CDYL2: variants seen among roughly 807,000 people sequenced by gnomAD.
CDYL2 encodes the protein chromodomain Y-like protein 2.
Under a neutral mutation model 49.4 loss-of-function variants are expected in CDYL2, and 23 were observed. The observed-to-expected ratio is 0.47, with a 90% CI of 0.34 to 0.66. The LOEUF is 0.66. Ranked by LOEUF, CDYL2 falls within the 30% of genes least tolerant of loss-of-function variation. The pLI, the probability that CDYL2 is intolerant of heterozygous loss-of-function variation, is 0.01. For synonymous variants in CDYL2, 360 were observed against 268.8 expected (o/e 1.34, Z -3.32); for missense variants, 678 against 656.4 (o/e 1.03, Z -0.36).
chr16:80,677,670 C>T (rs566340616), intron 2 of CDYL2, among the ~76,000 whole-genome samples: 44 of 151,796 alleles, frequency 2.9e-4, no homozygotes, highest in Admixed American at 2.0e-3. Context: ...ACTCAGGAGG[C>T]GGAGCTTGCA....
At chr16:80,760,348 G>C (rs1344723315) in intron 1 of CDYL2, among the ~76,000 whole-genome samples, 1 of 152,152 alleles carries the variant, frequency 6.6e-6, no homozygotes, top group Non-Finnish European at 1.5e-5. Flanking sequence ...GGTAGTGGGG[G>C]GTTGGAGGGG....
intron 2 of CDYL2, among the ~76,000 whole-genome samples, chr16:80,644,265 T>A (rs1597144963): frequency 6.6e-6 from 1 of 152,216 alleles, no homozygotes; most frequent in African/African-American, 2.4e-5. Flanking sequence ...TCTGAGACCA[T>A]CTAAGCCTGG....
intron 1 of CDYL2, among the ~76,000 whole-genome samples, chr16:80,710,351 A>G (rs1430952019): frequency 2.0e-5 from 3 of 152,240 alleles, no homozygotes; most frequent in Non-Finnish European, 1.5e-5. Flanking sequence ...CAACCCTTCC[A>G]GCAGTCACAT....
intron 1 of CDYL2, among the ~76,000 whole-genome samples, chr16:80,776,869 G>A (rs369037109): frequency 1.3e-5 from 2 of 151,688 alleles, no homozygotes; most frequent in South Asian, 2.1e-4. Context: ...CTAGGCTGGA[G>A]TGCAATGGCA....
chr16:80,640,983 A>G (rs1908060343), intron 2 of CDYL2, among the ~76,000 whole-genome samples: 1 of 152,234 alleles, frequency 6.6e-6, no homozygotes, highest in South Asian at 2.1e-4. Flanking sequence ...GGCAAATCTA[A>G]GAGTTACTGG....
In CDYL2 at chr16:80,718,000, G is replaced by A. The variant is rs111428163; in HGVS notation, c.25-32871C>T. On this transcript the variant is annotated intron_variant, in intron 1 of 6. Transcript: ENST00000570137. The stretch of plus-strand genomic sequence containing the variant: ...ATTCAGTGTGCATCTGCTGTCTCAC[G>A]CTGGGTGCTTTCTCAAGCAGTTACC... Among the ~76,000 whole-genome samples the A allele has an allele frequency of 7.8e-3, 1,188 of 152,282 alleles. 21 individuals are homozygous for A. The highest frequency in any genetic ancestry group is 0.027 in the African/African-American group (1,104 of 41,546).
chr16:80,783,363 T>G (rs1297664421), intron 1 of CDYL2, among the ~76,000 whole-genome samples: 1 of 152,008 alleles, frequency 6.6e-6, no homozygotes, highest in Non-Finnish European at 1.5e-5. Context: ...AAACAGAAAA[T>G]AACAAGTGTT....
chr16:80,747,849 C>T (rs985754163), intron 1 of CDYL2, among the ~76,000 whole-genome samples: 1 of 152,110 alleles, frequency 6.6e-6, no homozygotes, highest in South Asian at 2.1e-4. Context: ...CTGATTGGAA[C>T]CCTTCCTACC....
chr16:80,600,566 A>G lies in CDYL2; in HGVS notation c.*3822T>C, dbSNP rs1310068169. The G allele has an allele frequency of 1.3e-5, 2 of 152,224 alleles. No homozygotes were observed. The highest frequency in any genetic ancestry group is 2.9e-5 in the Non-Finnish European group (2 of 68,034). The allele number at this position is 152,224 out of a possible 1,614,324, so 9.4% of individuals were successfully genotyped here. ...TAAAATAAAATACTTAAGAAATCTC[A>G]TTTAGAGTCTTAAATACTGTGTATA... On this transcript the variant is annotated 3_prime_UTR_variant, in exon 7 of 7. Transcript: ENST00000570137.
chr16:80,750,659 T>C (rs1302942793), intron 1 of CDYL2, among the ~76,000 whole-genome samples: 6 of 137,188 alleles, frequency 4.4e-5, no homozygotes, highest in East Asian at 2.0e-4. Flanking sequence ...TAATCAGAAA[T>C]TAGAAAAAGT....
intron 2 of CDYL2, among the ~76,000 whole-genome samples, chr16:80,674,035 A>G (rs1909640396): frequency 1.3e-5 from 2 of 152,194 alleles, no homozygotes; most frequent in African/African-American, 4.8e-5. Context: ...CTGCCAATGC[A>G]TTTTAGATTT....
At chr16:80,638,807 C>T (rs13330810) in intron 2 of CDYL2, among the ~76,000 whole-genome samples, 22,296 of 152,140 alleles carry the variant, frequency 0.15, 5,236 homozygotes, top group African/African-American at 0.5. Flanking sequence ...GACACAAACT[C>T]TGTACTTTGC....
intron 4 of CDYL2, among the ~76,000 whole-genome samples, chr16:80,619,087 A>G (rs995176632): frequency 5.3e-5 from 8 of 152,070 alleles, no homozygotes; most frequent in African/African-American, 1.9e-4. Flanking sequence ...GCTGCTGGCC[A>G]TTCTTGGAGT....
At chr16:80,672,760 T>C (rs912716945) in intron 2 of CDYL2, among the ~76,000 whole-genome samples, 1 of 152,152 alleles carries the variant, frequency 6.6e-6, no homozygotes, top group African/African-American at 2.4e-5. Context: ...ACCTACTTCA[T>C]AGAATTGTCA....
chr16:80,761,622 C>T (rs1402484210), intron 1 of CDYL2, among the ~76,000 whole-genome samples: 1 of 152,130 alleles, frequency 6.6e-6, no homozygotes, highest in African/African-American at 2.4e-5. Flanking sequence ...ATCAATAGAT[C>T]TGAGAGAGGC....
At position 80,804,566 on chromosome 16, in the gene CDYL2, G is replaced by A. The variant is rs1229835106; in HGVS notation, c.-393C>T. ...GGCGCCGCCTGCAGGAAGCCGCCCG[G>A]CGCCCGCCGCCGGCCCGGACGCTGC... On this transcript the variant is annotated 5_prime_UTR_variant, in exon 1 of 7. Coordinates refer to ENST00000570137, the MANE Select transcript of CDYL2 (RefSeq NM_152342.4). Among the ~76,000 whole-genome samples, 3 of 143,840 alleles carry A rather than the reference G, an allele frequency of 2.1e-5. No homozygotes were observed. The highest frequency in any genetic ancestry group is 7.5e-5 in the African/African-American group (3 of 40,226). The allele number at this position is 143,840 out of a possible 152,430, so 94.4% of individuals were successfully genotyped here. A position where few individuals can be genotyped will look rare whatever the true frequency, so the allele number is the denominator to read the frequency against.
At position 80,598,789 on chromosome 16, in the gene CDYL2, G is replaced by C. The variant is rs1421069956; in HGVS notation, c.*5599C>G. 3.3e-5 allele frequency: 5 copies of C among 152,120 alleles called. No individual in the cohort carries two copies. Among genetic ancestry groups the C allele is most frequent in the Non-Finnish European group, 5.9e-5 (4 of 68,030 alleles). 9.4% of individuals were successfully genotyped at this position (152,120 alleles called of 1,614,324 possible). A position where few individuals can be genotyped will look rare whatever the true frequency, so the allele number is the denominator to read the frequency against. ...ACGAATCCCTCTGTATGGCCAGCCA[G>C]GGGGAGCATGAGGTTGGTGGAAGTC... On this transcript the variant is annotated 3_prime_UTR_variant, in exon 7 of 7. Transcript: ENST00000570137.
chr16:80,772,430 T>G (rs1906936769), intron 1 of CDYL2, among the ~76,000 whole-genome samples: 1 of 152,166 alleles, frequency 6.6e-6, no homozygotes, highest in Admixed American at 6.5e-5. Context: ...GTCTCTGAAT[T>G]GTCTGGGAAT....
chr16:80,662,201 G>C (rs1411180894), intron 2 of CDYL2, among the ~76,000 whole-genome samples: 12 of 152,164 alleles, frequency 7.9e-5, no homozygotes, highest in Admixed American at 7.9e-4. Flanking sequence ...GGCGCTCTGA[G>C]TGAGATCCCA....
Sources: allele counts gnomAD v4.1 joint callset (sites outside exome capture counted in the v4.1 genomes callset), GRCh38; gene constraint gnomAD v4.1.1; transcripts MANE v1.5; gene names NCBI Gene and HGNC (gene_info 2026-07-23, HGNC 2026-07-21).